Variants in DIAPH3 observed in about 807,000 individuals in gnomAD.
The protein encoded by DIAPH3 is diaphanous related formin 3, also known as protein diaphanous homolog 3.
A neutral mutation model predicts 144.3 loss-of-function variants in DIAPH3; 117 were observed. That is an observed-to-expected ratio of 0.81 (90% CI 0.70 to 0.95). The LOEUF (loss-of-function observed/expected upper bound fraction) is 0.95, where lower values mean the gene tolerates loss of function less well. DIAPH3 is among the 40% of genes least tolerant of loss of function. The pLI is 0.00. For missense variants in DIAPH3, 1,421 were observed against 1,412.7 expected, an observed-to-expected ratio of 1.01 and a Z score of -0.09; for synonymous variants, 519 against 488.9, an observed-to-expected ratio of 1.06 and a Z score of -0.81.
At chr13:59,709,470 T>C (rs1022076537) in intron 27 of DIAPH3, among the ~76,000 whole-genome samples, 1 of 152,188 alleles carries the variant, frequency 6.6e-6, no homozygotes. Context: ...AAGACATTTA[T>C]GCAGCCAAAA....
At chr13:60,081,876 T>A (rs1480186815) in intron 4 of DIAPH3, among the ~76,000 whole-genome samples, 2 of 152,042 alleles carry the variant, frequency 1.3e-5, no homozygotes, top group African/African-American at 4.8e-5. Context: ...AGAAAAGATC[T>A]GAAGGGGCTG....
intron 4 of DIAPH3, among the ~76,000 whole-genome samples, chr13:60,046,365 T>C (rs1423376439): frequency 6.6e-6 from 1 of 152,094 alleles, no homozygotes; most frequent in Non-Finnish European, 1.5e-5. Flanking sequence ...AAAAGACATA[T>C]TAAAAAAAGC....
At chr13:59,835,230 C>A (rs968606922) in intron 23 of DIAPH3, among the ~76,000 whole-genome samples, 1 of 151,734 alleles carries the variant, frequency 6.6e-6, no homozygotes, top group African/African-American at 2.4e-5. Context: ...CTGAGTTCCA[C>A]TGTATTCTAG....
intron 27 of DIAPH3, 155 bp downstream of exon 27, chr13:59,774,034 A>G: frequency 1.4e-6 from 1 of 703,056 alleles, no homozygotes; most frequent in Admixed American, 2.8e-5. Context: ...GAAAAATACG[A>G]GTACGCAATC....
intron 27 of DIAPH3, among the ~76,000 whole-genome samples, chr13:59,757,457 A>G (rs9538510): frequency 0.26 from 36,116 of 137,352 alleles, 4,896 homozygotes; most frequent in African/African-American, 0.35. Flanking sequence ...CTGGAGTGCA[A>G]TGGCGCAATC....
chr13:59,889,827 A>G (rs905251299), intron 20 of DIAPH3, among the ~76,000 whole-genome samples: 2 of 151,380 alleles, frequency 1.3e-5, no homozygotes, highest in African/African-American at 4.9e-5. Context: ...AGCTCTCTGG[A>G]AAGTAAGATT....
chr13:59,712,580 C>T (rs2034808934), intron 27 of DIAPH3, among the ~76,000 whole-genome samples: 1 of 152,182 alleles, frequency 6.6e-6, no homozygotes, highest in African/African-American at 2.4e-5. Flanking sequence ...CTGGCTCCCA[C>T]ACATATCTTA....
intron 1 of DIAPH3, among the ~76,000 whole-genome samples, chr13:60,159,653 A>C (rs1479720080): frequency 6.6e-6 from 1 of 151,916 alleles, no homozygotes; most frequent in Non-Finnish European, 1.5e-5. Flanking sequence ...GAAAGAAAGA[A>C]TGTATACTCT....
intron 27 of DIAPH3, among the ~76,000 whole-genome samples, chr13:59,743,691 A>G (rs537536507): frequency 6.6e-6 from 1 of 152,288 alleles, no homozygotes; most frequent in East Asian, 1.9e-4. Context: ...TTCTATGACA[A>G]CTGCCTTTTT....
intron 21 of DIAPH3, among the ~76,000 whole-genome samples, chr13:59,870,665 G>GTTT (rs35207685): frequency 1.4e-5 from 2 of 139,218 alleles, no homozygotes; most frequent in Admixed American, 7.1e-5. Flanking sequence ...TTTTGTAGGT[G>GTTT]TTTTTTTTTT....
intron 27 of DIAPH3, among the ~76,000 whole-genome samples, chr13:59,716,925 C>T (rs1466309769): frequency 6.6e-6 from 1 of 151,798 alleles, no homozygotes; most frequent in Non-Finnish European, 1.5e-5. Context: ...GATTCTGTAA[C>T]TACAATGACA....
intron 27 of DIAPH3, among the ~76,000 whole-genome samples, chr13:59,679,764 C>T (rs974585137): frequency 2.0e-5 from 3 of 150,854 alleles, no homozygotes; most frequent in Admixed American, 6.6e-5. Flanking sequence ...CCATATTGGC[C>T]ATAAATACTT....
At chr13:60,037,755 A>G (rs545170131) in intron 5 of DIAPH3, among the ~76,000 whole-genome samples, 1 of 152,188 alleles carries the variant, frequency 6.6e-6, no homozygotes, top group Admixed American at 6.5e-5. Context: ...TATAAATTCC[A>G]ACATATTTTC....
chr13:59,930,285 T>A (rs2047962108), intron 17 of DIAPH3, among the ~76,000 whole-genome samples: 1 of 152,186 alleles, frequency 6.6e-6, no homozygotes, highest in African/African-American at 2.4e-5. Flanking sequence ...ATTCCTTGCC[T>A]CAAAGAATTT....
At chr13:59,787,732 C>G (rs1748766200) in intron 25 of DIAPH3, among the ~76,000 whole-genome samples, 1 of 152,164 alleles carries the variant, frequency 6.6e-6, no homozygotes, top group Non-Finnish European at 1.5e-5. Flanking sequence ...AACCCATCTT[C>G]TATGATCTGA....
chr13:60,070,213 C>CCTAA (rs1364516589), intron 4 of DIAPH3, among the ~76,000 whole-genome samples: 2 of 149,952 alleles, frequency 1.3e-5, no homozygotes, highest in Non-Finnish European at 1.5e-5. Context: ...TAGCTGCATT[C>CCTAA]CTAAGTATTT....
At chr13:59,836,328 C>T (rs2042042419) in intron 23 of DIAPH3, among the ~76,000 whole-genome samples, 1 of 151,720 alleles carries the variant, frequency 6.6e-6, no homozygotes, top group African/African-American at 2.4e-5. Context: ...GTACGTACAC[C>T]TCACATATAA....
intron 3 of DIAPH3, among the ~76,000 whole-genome samples, chr13:60,107,522 T>C (rs1193373834): frequency 6.6e-6 from 1 of 152,116 alleles, no homozygotes; most frequent in African/African-American, 2.4e-5. Flanking sequence ...TGTTTCAAAG[T>C]CAAATATTAA....
At chr13:59,733,879 G>A (rs1269907722) in intron 27 of DIAPH3, among the ~76,000 whole-genome samples, 1 of 152,198 alleles carries the variant, frequency 6.6e-6, no homozygotes, top group Non-Finnish European at 1.5e-5. Context: ...ATGAGTTGTT[G>A]GGAGGAGACA....
Sources: allele counts gnomAD v4.1 joint callset (sites outside exome capture counted in the v4.1 genomes callset), GRCh38; gene constraint gnomAD v4.1.1; transcripts MANE v1.5; gene names NCBI Gene and HGNC (gene_info 2026-07-23, HGNC 2026-07-21).